TAFA2: variants seen among roughly 807,000 people sequenced by gnomAD.
The protein encoded by TAFA2 is TAFA chemokine like family member 2.
TAFA2 carries 7 observed loss-of-function variants against 18.8 expected under a neutral mutation model. The observed-to-expected ratio is 0.37, with a 90% CI of 0.21 to 0.70. TAFA2 has a LOEUF of 0.70. TAFA2 is among the 30% of genes least tolerant of loss of function. TAFA2 has a pLI of 0.53. For missense variants in TAFA2, 122 were observed against 158.1 expected (o/e 0.77, Z 1.23); for synonymous variants, 60 against 54.2 (o/e 1.11, Z -0.47).
rs1295381124 is a variant in TAFA2 at position 62,192,605 on chromosome 12, A to C, written c.-1348T>G. Reference sequence around the variant, plus strand: ...CCTATTCCACCCAGCCTGGCTGTCCAGTGAGTACAGAGTGACTTGGCTCCC... The same window carrying C: ...CCTATTCCACCCAGCCTGGCTGTCCCGTGAGTACAGAGTGACTTGGCTCCC... On this transcript the variant is annotated 5_prime_UTR_variant, in exon 1 of 5. Transcript: ENST00000416284. 1 of 152,496 alleles carries C rather than the reference A, an allele frequency of 6.6e-6. No individual in the cohort carries two copies. The highest frequency in any genetic ancestry group is 1.5e-5 in the Non-Finnish European group (1 of 68,262). The allele number at this position is 152,496 out of a possible 1,614,324, so 9.4% of individuals were successfully genotyped here. A position where few individuals can be genotyped will look rare whatever the true frequency, so the allele number is the denominator to read the frequency against.
intron 1 of TAFA2, among the ~76,000 whole-genome samples, chr12:62,051,674 A>C (rs1055272915): frequency 6.6e-6 from 1 of 151,694 alleles, no homozygotes; most frequent in Non-Finnish European, 1.5e-5. Flanking sequence ...GAGAGAGGCG[A>C]CAGGAACTAT....
intron 1 of TAFA2, among the ~76,000 whole-genome samples, chr12:62,013,462 C>T (rs1400828642): frequency 6.6e-6 from 1 of 152,174 alleles, no homozygotes; most frequent in Admixed American, 6.5e-5. Flanking sequence ...CCATTTGAGA[C>T]TTAAGTTAAT....
In TAFA2 at chr12:61,786,162, A is replaced by G. The variant is rs374194638; in HGVS notation, c.107-31138T>C. Among the ~76,000 whole-genome samples the G allele has an allele frequency of 2.6e-5, 4 of 151,618 alleles. No individual in the cohort carries two copies. The East Asian group carries it at 7.8e-4, about 29-fold the overall frequency. On this transcript the variant is annotated intron_variant, in intron 2 of 4. Transcript: ENST00000416284. Reference sequence around the variant, plus strand: ...AGCCACAGATCACGTGGGACTTGGAAAAGTGTCTGGTTTCAAAAGCCAGAC... The same window carrying G: ...AGCCACAGATCACGTGGGACTTGGAGAAGTGTCTGGTTTCAAAAGCCAGAC...
chr12:62,093,312 CTG>C (rs1371117869), intron 1 of TAFA2, among the ~76,000 whole-genome samples: 1 of 151,954 alleles, frequency 6.6e-6, no homozygotes, highest in Non-Finnish European at 1.5e-5. Context: ...GTAAGAGACT[CTG>C]TGTACATTCT....
At chr12:62,080,832 C>A (rs1464166214) in intron 1 of TAFA2, among the ~76,000 whole-genome samples, 1 of 152,010 alleles carries the variant, frequency 6.6e-6, no homozygotes, top group Non-Finnish European at 1.5e-5. Flanking sequence ...GAAAAGTAAT[C>A]TCTACAACAG....
intron 1 of TAFA2, among the ~76,000 whole-genome samples, chr12:61,965,400 C>T (rs1879033855): frequency 6.6e-6 from 1 of 151,942 alleles, no homozygotes; most frequent in South Asian, 2.1e-4. Flanking sequence ...ATAAGCTACC[C>T]AGCCACGATA....
At chr12:61,863,605 C>T (rs183420011) in intron 2 of TAFA2, among the ~76,000 whole-genome samples, 4 of 152,274 alleles carry the variant, frequency 2.6e-5, no homozygotes, top group Non-Finnish European at 5.9e-5. Flanking sequence ...CAACCAAAAT[C>T]CTGAATAAGC....
chr12:61,729,237 CT>C (rs1187457822), intron 4 of TAFA2, among the ~76,000 whole-genome samples: 1 of 151,914 alleles, frequency 6.6e-6, no homozygotes, highest in African/African-American at 2.4e-5. Flanking sequence ...GAATTTCCCA[CT>C]TTTTTTCTGA....
chr12:61,932,752 T>C (rs1210977169), intron 1 of TAFA2, among the ~76,000 whole-genome samples: 1 of 152,184 alleles, frequency 6.6e-6, no homozygotes, highest in African/African-American at 2.4e-5. Context: ...ATAACTCTTG[T>C]AATGGCCCAG....
intron 2 of TAFA2, among the ~76,000 whole-genome samples, chr12:61,794,684 T>C (rs2120938189): frequency 6.6e-6 from 1 of 151,998 alleles, no homozygotes; most frequent in South Asian, 2.1e-4. Context: ...CTAAAAGTCC[T>C]ACAGAAATGC....
At chr12:61,850,341 G>T (rs1019978123) in intron 2 of TAFA2, among the ~76,000 whole-genome samples, 1 of 151,662 alleles carries the variant, frequency 6.6e-6, no homozygotes, top group Non-Finnish European at 1.5e-5. Context: ...ATCAGTCATT[G>T]TAATATGTTA....
Position 61,754,900 on chromosome 12 carries a change from GGT to G in TAFA2, c.229_230del (p.Thr77HisfsTer31). The G allele has an allele frequency of 6.2e-7, 1 of 1,612,862 alleles. No homozygotes were observed. The highest frequency in any genetic ancestry group is 8.5e-7 in the Non-Finnish European group (1 of 1,179,350). On this transcript the variant is annotated frameshift_variant, in exon 3 of 5. Transcript: ENST00000416284. LOFTEE classifies it high-confidence loss of function. Reference sequence around the variant, plus strand: ...CCACACATGATGGAGCAGCTCGCGTGGTGCCTGCCACCTGCCCAGGGAAGCAG... The same window carrying G: ...CCACACATGATGGAGCAGCTCGCGTGGCCTGCCACCTGCCCAGGGAAGCAG... ...CSCFPGQVAG[T>X]TRAAPSCVDA...
chr12:62,132,960 T>C (rs1555192870), intron 1 of TAFA2, among the ~76,000 whole-genome samples: 1 of 152,020 alleles, frequency 6.6e-6, no homozygotes, highest in Non-Finnish European at 1.5e-5. Context: ...GTGTTGTCAG[T>C]ACAACATTTT....
intron 1 of TAFA2, chr12:62,207,034 A>T (rs946982543): frequency 1.3e-5 from 2 of 152,240 alleles, no homozygotes; most frequent in African/African-American, 4.8e-5. Flanking sequence ...GTTAAGGCTC[A>T]GGACAAGAGT....
intron 1 of TAFA2, among the ~76,000 whole-genome samples, chr12:62,116,658 A>C (rs1041916789): frequency 6.7e-6 from 1 of 148,338 alleles, no homozygotes; most frequent in South Asian, 2.1e-4. Flanking sequence ...TGTGATGTAC[A>C]GACTGTAGGC....
intron 1 of TAFA2, among the ~76,000 whole-genome samples, chr12:61,872,993 T>C (rs1023416904): frequency 6.6e-6 from 1 of 152,220 alleles, no homozygotes; most frequent in African/African-American, 2.4e-5. Flanking sequence ...TAAAATGTAA[T>C]TTCCATGAGA....
chr12:61,823,454 C>T (rs553045100), intron 2 of TAFA2, among the ~76,000 whole-genome samples: 1 of 152,280 alleles, frequency 6.6e-6, no homozygotes, highest in East Asian at 1.9e-4. Context: ...ATTACAGGCA[C>T]CCATTAACTT....
At chr12:61,785,928 C>A (rs921956013) in intron 2 of TAFA2, among the ~76,000 whole-genome samples, 3 of 151,378 alleles carry the variant, frequency 2.0e-5, no homozygotes, top group Admixed American at 6.6e-5. Flanking sequence ...GAGGGGGAAC[C>A]ATATGGAGCC....
intron 1 of TAFA2, among the ~76,000 whole-genome samples, chr12:61,958,873 G>C (rs1025426834): frequency 6.6e-6 from 1 of 151,908 alleles, no homozygotes; most frequent in Non-Finnish European, 1.5e-5. Context: ...CCATATTTTT[G>C]AGACATTTAC....
Sources: gnomAD v4.1 joint callset for allele counts (sites outside exome capture counted in the v4.1 genomes callset) on GRCh38, gnomAD v4.1.1 for gene constraint, MANE v1.5 for transcripts, NCBI Gene and HGNC (gene_info 2026-07-23, HGNC 2026-07-21) for gene names.